SEMA3A: variants seen among roughly 807,000 people sequenced by gnomAD.
SEMA3A encodes the protein semaphorin 3A, also known as semaphorin-3A.
In SEMA3A, 29 loss-of-function variants were observed where a neutral mutation model predicts 97.9. The ratio of observed to expected loss-of-function variants is 0.30; its 90% confidence interval spans 0.22 to 0.40. The LOEUF (loss-of-function observed/expected upper bound fraction) is 0.40. Among genes scored for constraint, SEMA3A ranks in the 10% least tolerant of loss-of-function variants. The pLI is 1.00. For synonymous variants in SEMA3A, 321 were observed against 323.7 expected, an observed-to-expected ratio of 0.99 and a Z score of 0.09; for missense variants, 763 against 951.3, an observed-to-expected ratio of 0.80 and a Z score of 2.60.
intron 1 of SEMA3A, among the ~76,000 whole-genome samples, chr7:84,456,851 G>A (rs1473511238): frequency 1.3e-5 from 2 of 151,644 alleles, no homozygotes; most frequent in Non-Finnish European, 3.0e-5. Context: ...TTTAACCTTT[G>A]AGCAATTTTG....
chr7:84,026,430 G>T (rs2116453297), intron 6 of SEMA3A, among the ~76,000 whole-genome samples: 1 of 152,004 alleles, frequency 6.6e-6, no homozygotes, highest in East Asian at 1.9e-4. Flanking sequence ...CTAAAGTATT[G>T]ATGTGACCTC....
At chr7:84,395,849 G>C (rs1200626963) in intron 1 of SEMA3A, among the ~76,000 whole-genome samples, 1 of 152,022 alleles carries the variant, frequency 6.6e-6, no homozygotes, top group African/African-American at 2.4e-5. Context: ...ACCCAGTCTT[G>C]ATATTTCTTC....
intron 3 of SEMA3A, among the ~76,000 whole-genome samples, chr7:84,302,116 A>T (rs976764219): frequency 1.3e-5 from 2 of 152,184 alleles, no homozygotes; most frequent in African/African-American, 4.8e-5. Flanking sequence ...AAAAAAATCA[A>T]CTACTAATAC....
At chr7:84,184,019 T>G (rs939201835) in intron 1 of SEMA3A, among the ~76,000 whole-genome samples, 1 of 152,142 alleles carries the variant, frequency 6.6e-6, no homozygotes, top group African/African-American at 2.4e-5. Flanking sequence ...GTGCTGATGT[T>G]TATATAGTTG....
chr7:84,486,475 C>T (rs750433381), intron 1 of SEMA3A, among the ~76,000 whole-genome samples: 7 of 152,142 alleles, frequency 4.6e-5, no homozygotes, highest in Non-Finnish European at 1.0e-4. Flanking sequence ...ACAAGTCTAC[C>T]AAGCATATTA....
At chr7:84,236,858 T>C (rs927943784) in intron 3 of SEMA3A, among the ~76,000 whole-genome samples, 1 of 152,100 alleles carries the variant, frequency 6.6e-6, no homozygotes, top group Non-Finnish European at 1.5e-5. Context: ...TAATTCTATA[T>C]GTGAGTCACC....
chr7:84,290,441 T>TG (rs1398629184), intron 3 of SEMA3A, among the ~76,000 whole-genome samples: 6 of 147,586 alleles, frequency 4.1e-5, no homozygotes, highest in Non-Finnish European at 7.5e-5. Context: ...TAAAAGTTGT[T>TG]TTTTTTTTCC....
At chr7:84,254,514 A>C (rs1405895318) in intron 3 of SEMA3A, among the ~76,000 whole-genome samples, 2 of 152,110 alleles carry the variant, frequency 1.3e-5, no homozygotes, top group African/African-American at 4.8e-5. Context: ...GGCTTAGCAA[A>C]TTCCCTGAGA....
intron 1 of SEMA3A, among the ~76,000 whole-genome samples, chr7:84,139,373 C>G (rs924411354): frequency 2.0e-5 from 3 of 151,880 alleles, no homozygotes; most frequent in African/African-American, 7.2e-5. Context: ...ATAAGAGAAG[C>G]AAATGTAGGA....
At chr7:84,096,358 A>G (rs1331757120) in intron 4 of SEMA3A, among the ~76,000 whole-genome samples, 1 of 152,036 alleles carries the variant, frequency 6.6e-6, no homozygotes, top group Admixed American at 6.6e-5. Flanking sequence ...TTATAAACTT[A>G]TTTTTTAGCA....
intron 1 of SEMA3A, among the ~76,000 whole-genome samples, chr7:84,403,258 A>G (rs1378563724): frequency 6.6e-6 from 1 of 152,166 alleles, no homozygotes; most frequent in Non-Finnish European, 1.5e-5. Context: ...TATCCCACAC[A>G]TGGCTCAGAG....
chr7:83,981,627 C>T, intron 13 of SEMA3A, 149 bp from the exon 14 acceptor site: 2 of 641,084 alleles, frequency 3.1e-6, no homozygotes, highest in Non-Finnish European at 4.9e-6. Context: ...TCTTTAAAGG[C>T]CTTCTAGACA....
At chr7:84,301,049 A>T (rs756365462) in intron 3 of SEMA3A, among the ~76,000 whole-genome samples, 1 of 152,130 alleles carries the variant, frequency 6.6e-6, no homozygotes, top group Non-Finnish European at 1.5e-5. Flanking sequence ...AAAAAATTCA[A>T]TAAAAATTCA....
chr7:84,010,973 G>T, intron 9 of SEMA3A, 49 bp downstream of exon 9: 1 of 1,351,458 alleles, frequency 7.4e-7, no homozygotes, highest in Non-Finnish European at 1.0e-6. Flanking sequence ...TACTTGGATA[G>T]CACCTAAATA....
chr7:84,193,529 T>A (rs17242890), intron 1 of SEMA3A, among the ~76,000 whole-genome samples: 10,777 of 152,152 alleles, frequency 0.071, 496 homozygotes, highest in African/African-American at 0.13. Context: ...TAAAACAGTT[T>A]AATCTTCAAC....
intron 1 of SEMA3A, among the ~76,000 whole-genome samples, chr7:84,447,480 A>G: frequency 6.6e-6 from 1 of 152,024 alleles, no homozygotes; most frequent in East Asian, 1.9e-4. Flanking sequence ...TGGACCAATC[A>G]ACACACACCT....
chr7:84,149,688 C>G (rs1796569875), intron 1 of SEMA3A, among the ~76,000 whole-genome samples: 1 of 152,158 alleles, frequency 6.6e-6, no homozygotes, highest in Non-Finnish European at 1.5e-5. Flanking sequence ...TTGTGTACCA[C>G]TGACAAAGGC....
chr7:83,965,089 A>C (rs1788616799), intron 15 of SEMA3A, among the ~76,000 whole-genome samples: 1 of 134,270 alleles, frequency 7.4e-6, no homozygotes, highest in Non-Finnish European at 1.5e-5. Flanking sequence ...TGTGATTTAA[A>C]CTTTTTTGTA....
At chr7:84,169,610 T>A (rs1310163062) in intron 1 of SEMA3A, among the ~76,000 whole-genome samples, 1 of 150,832 alleles carries the variant, frequency 6.6e-6, no homozygotes, top group Non-Finnish European at 1.5e-5. Flanking sequence ...AATATTAAGA[T>A]GGAATAATTT....
Sources: allele counts gnomAD v4.1 joint callset (sites outside exome capture counted in the v4.1 genomes callset), GRCh38; gene constraint gnomAD v4.1.1; transcripts MANE v1.5; gene names NCBI Gene and HGNC (gene_info 2026-07-23, HGNC 2026-07-21).